LRRC63: variants seen among roughly 807,000 people sequenced by gnomAD.
LRRC63 encodes leucine rich repeat containing 63, also known as leucine-rich repeat-containing protein 63.
LRRC63 carries 40 observed loss-of-function variants against 49.5 expected under a neutral mutation model. The observed-to-expected ratio is 0.81, with a 90% CI of 0.63 to 1.05. The LOEUF is 1.05. LRRC63 is among the 50% of genes least tolerant of loss of function. The pLI is 0.00. For missense variants in LRRC63, 636 were observed against 663.1 expected (o/e 0.96, Z 0.45); for synonymous variants, 191 against 221.1 (o/e 0.86, Z 1.21).
intron 9 of LRRC63, among the ~76,000 whole-genome samples, chr13:46,275,500 TA>T (rs1028528894): frequency 9.2e-5 from 14 of 152,184 alleles, no homozygotes; most frequent in Non-Finnish European, 2.9e-5. Context: ...TTGTCTTTTT[TA>T]TAATAGCCAT....
At chr13:46,254,386 A>G (rs2047457987) in intron 7 of LRRC63, among the ~76,000 whole-genome samples, 1 of 152,178 alleles carries the variant, frequency 6.6e-6, no homozygotes, top group Non-Finnish European at 1.5e-5. Context: ...AGGATGACAG[A>G]TGAAGCAGAA....
chr13:46,226,311 G>C (rs2046574932), intron 2 of LRRC63, among the ~76,000 whole-genome samples: 1 of 152,082 alleles, frequency 6.6e-6, no homozygotes, highest in South Asian at 2.1e-4. Context: ...TCATATTATA[G>C]TTTTTGGTTC....
At chr13:46,233,815 T>C (rs1262704434) in intron 4 of LRRC63, among the ~76,000 whole-genome samples, 2 of 152,224 alleles carry the variant, frequency 1.3e-5, no homozygotes, top group Non-Finnish European at 2.9e-5. Context: ...TCTTACATGA[T>C]GTTGCTTATT....
intron 9 of LRRC63, among the ~76,000 whole-genome samples, chr13:46,274,020 C>G (rs1391080089): frequency 1.3e-5 from 2 of 151,868 alleles, no homozygotes; most frequent in African/African-American, 4.8e-5. Flanking sequence ...TTTCTTCAGG[C>G]CTTGAGAGTC....
At chr13:46,227,995 A>G (rs943848436) in exon 3 of LRRC63, 25 of 1,550,992 alleles carry the variant, frequency 1.6e-5, no homozygotes, top group Admixed American at 2.0e-5. Context: ...TATACTTATC[A>G]GCACATCTCG....
intron 4 of LRRC63, among the ~76,000 whole-genome samples, chr13:46,230,889 C>T (rs1249960803): frequency 6.6e-6 from 1 of 152,218 alleles, no homozygotes; most frequent in East Asian, 1.9e-4. Flanking sequence ...GAATGCTTTG[C>T]TGCTTAGAAA....
intron 2 of LRRC63, among the ~76,000 whole-genome samples, chr13:46,217,500 T>C (rs936239284): frequency 1.3e-5 from 2 of 152,196 alleles, no homozygotes; most frequent in Admixed American, 6.5e-5. Context: ...TTCTTCTCTC[T>C]TTTCTTCTTT....
chr13:46,252,296 G>A (rs558404247), intron 7 of LRRC63, among the ~76,000 whole-genome samples: 3 of 152,106 alleles, frequency 2.0e-5, no homozygotes, highest in Non-Finnish European at 2.9e-5. Context: ...GGAGTGTGGT[G>A]AGACTTGGAG....
At position 46,241,150 on chromosome 13, in the gene LRRC63, G is replaced by C. The variant is rs535647492; in HGVS notation, c.991-5377G>C. Among the ~76,000 whole-genome samples the C allele has an allele frequency of 1.2e-3, 179 of 152,220 alleles. 1 individual carries two copies. The highest frequency in any genetic ancestry group is 4.1e-3 in the African/African-American group (172 of 41,536). On this transcript the variant is annotated intron_variant, in intron 5 of 9. Coordinates refer to ENST00000595396, the Ensembl canonical transcript of LRRC63. ...ACATAGACCAATGGAACTGAATAGA[G>C]AACCCAGAAATAAGGCTGCATACCT...
chr13:46,220,825 C>T (rs971187133), intron 2 of LRRC63, among the ~76,000 whole-genome samples: 11 of 152,110 alleles, frequency 7.2e-5, no homozygotes, highest in African/African-American at 1.2e-4. Context: ...CCATTCCTCA[C>T]GGCACAGTCC....
Position 46,270,247 on chromosome 13 carries a change from TCAGA to T in LRRC63, c.1550+3276_1550+3279del, listed in dbSNP as rs1030594933. 43 of 886,740 alleles carry T rather than the reference TCAGA, an allele frequency of 4.8e-5. No individual in the cohort carries two copies. In the Middle Eastern group the frequency reaches 6.6e-4, roughly 14 times the overall value. 54.9% of individuals were successfully genotyped at this position (886,740 alleles called of 1,614,324 possible). A position where few individuals can be genotyped will look rare whatever the true frequency, so the allele number is the denominator to read the frequency against. On this transcript the variant is annotated intron_variant, in intron 9 of 9. Transcript: ENST00000595396. ...CATTGGCAGAATCTCATCCAGTTCT[TCAGA>T]GTGGAAAAACAATTAAAAGCATTCC...
At chr13:46,232,290 C>G (rs2046785993) in intron 4 of LRRC63, among the ~76,000 whole-genome samples, 1 of 152,136 alleles carries the variant, frequency 6.6e-6, no homozygotes, top group African/African-American at 2.4e-5. Context: ...ATATCACAGT[C>G]TCTTTAAAAA....
chr13:46,220,824 A>G (rs1455044109), intron 2 of LRRC63, among the ~76,000 whole-genome samples: 2 of 152,040 alleles, frequency 1.3e-5, no homozygotes, highest in Non-Finnish European at 2.9e-5. Flanking sequence ...ACCATTCCTC[A>G]CGGCACAGTC....
intron 5 of LRRC63, among the ~76,000 whole-genome samples, chr13:46,241,039 C>T (rs2047047206): frequency 6.6e-6 from 1 of 152,106 alleles, no homozygotes; most frequent in African/African-American, 2.4e-5. Flanking sequence ...CAAGCCTAAG[C>T]AAAAAGAGAA....
intron 2 of LRRC63, among the ~76,000 whole-genome samples, chr13:46,225,668 A>T (rs559539015): frequency 4.6e-5 from 7 of 152,324 alleles, no homozygotes; most frequent in African/African-American, 1.7e-4. Context: ...ATTTTATTGA[A>T]TCAGTTAGCT....
chr13:46,264,293 A>G (rs995547215), intron 8 of LRRC63, among the ~76,000 whole-genome samples: 1 of 152,200 alleles, frequency 6.6e-6, no homozygotes, highest in Non-Finnish European at 1.5e-5. Flanking sequence ...TTTCTAGTTC[A>G]GAAAATATGT....
chr13:46,245,323 A>G (rs2047184355), intron 5 of LRRC63, among the ~76,000 whole-genome samples: 2 of 152,200 alleles, frequency 1.3e-5, no homozygotes, highest in Admixed American at 1.3e-4. Flanking sequence ...ATAAAGATAT[A>G]GAAGATCTGA....
At chr13:46,245,055 G>C (rs117363469) in intron 5 of LRRC63, among the ~76,000 whole-genome samples, 13 of 152,144 alleles carry the variant, frequency 8.5e-5, no homozygotes, top group African/African-American at 3.1e-4. Context: ...GGCTGTATTA[G>C]CTGACTAGGT....
At chr13:46,244,545 G>T (rs532105727) in intron 5 of LRRC63, among the ~76,000 whole-genome samples, 1 of 152,314 alleles carries the variant, frequency 6.6e-6, no homozygotes, top group African/African-American at 2.4e-5. Flanking sequence ...CAAGGCAGGA[G>T]GATTCCTTGA....
Sources: allele counts gnomAD v4.1 joint callset (sites outside exome capture counted in the v4.1 genomes callset), GRCh38; gene constraint gnomAD v4.1.1; transcripts MANE v1.5; gene names NCBI Gene and HGNC (gene_info 2026-07-23, HGNC 2026-07-21).